Variants in PIKFYVE observed in about 807,000 individuals in gnomAD.
The protein encoded by PIKFYVE is phosphoinositide kinase, FYVE-type zinc finger containing.
Under a neutral mutation model 257.9 loss-of-function variants are expected in PIKFYVE, and 122 were observed. The ratio of observed to expected loss-of-function variants is 0.47; its 90% CI spans 0.41 to 0.55. The LOEUF (loss-of-function observed/expected upper bound fraction) is 0.55. Ranked by LOEUF, PIKFYVE falls within the 20% of genes least tolerant of loss-of-function variation. The pLI is 0.00. For missense variants in PIKFYVE, 2,160 were observed against 2,536.6 expected (o/e 0.85, Z 3.19); for synonymous variants, 892 against 868.9 (o/e 1.03, Z -0.47).
At chr2:208,330,736 CT>C in intron 23 of PIKFYVE, 42 bp downstream of exon 23, 2 of 1,542,684 alleles carry the variant, frequency 1.3e-6, no homozygotes, top group Non-Finnish European at 1.8e-6. Context: ...CCATTTATTT[CT>C]TTATTTGTAT....
intron 35 of PIKFYVE, among the ~76,000 whole-genome samples, chr2:208,348,541 C>T (rs561426295): frequency 6.5e-4 from 97 of 148,162 alleles, no homozygotes; most frequent in Admixed American, 2.0e-3. Flanking sequence ...TTGAAGCCAG[C>T]AGTTTGAGAC....
Position 208,342,535 on chromosome 2 carries a change from A to G in PIKFYVE, c.4932-19A>G, listed in dbSNP as rs1698808072. 1.3e-6 allele frequency: 2 copies of G among 1,581,026 alleles called. No homozygotes were observed. ...TCTAGAGTACTTAGTTAACTTATGT[A>G]TTTTAAAAATTTGCATAGTGATCCA... On this transcript the variant is annotated intron_variant, in intron 31 of 41. Coordinates refer to ENST00000264380, the MANE Select transcript of PIKFYVE (RefSeq NM_015040.4).
rs770977232 is a variant in PIKFYVE at position 208,325,362 on chromosome 2, C to T, written c.2551C>T (p.Arg851Ter). 1.9e-6 allele frequency: 3 copies of T among 1,613,982 alleles called. No individual in the cohort carries two copies. Among genetic ancestry groups the T allele is most frequent in the South Asian group, 1.1e-5 (1 of 91,078 alleles). ...LRGGSDYELARVKEILIFMIC... is the reference protein window; with the variant it reads ...LRGGSDYELA ...AGGAGGCTCTGATTATGAGCTGGCT[C>T]GAGTTAAGGAGATCCTAATATTTAT... The change falls in exon 20 of 42, where the codon CGA becomes TGA. Residue 851 changes from arginine to a stop codon, truncating the protein, a stop_gained. Transcript: ENST00000264380. LOFTEE classifies it high-confidence loss of function.
intron 7 of PIKFYVE, among the ~76,000 whole-genome samples, chr2:208,298,347 C>G (rs969816826): frequency 1.3e-5 from 2 of 151,960 alleles, no homozygotes; most frequent in Non-Finnish European, 2.9e-5. Context: ...AATTGTTTTC[C>G]TGTAATCTTT....
intron 7 of PIKFYVE, 82 bp from the exon 8 acceptor site, chr2:208,298,559 T>C: frequency 6.7e-7 from 1 of 1,503,048 alleles, no homozygotes; most frequent in Non-Finnish European, 9.2e-7. Flanking sequence ...TAAGCATTTA[T>C]TTAAAAATGA....
chr2:208,298,738 G>A lies in PIKFYVE; in HGVS notation c.1009G>A (p.Val337Ile), dbSNP rs770774844. 1.9e-6 allele frequency: 3 copies of A among 1,614,038 alleles called. No individual in the cohort carries two copies. The African/African-American group carries it at 4.0e-5, about 22-fold the overall frequency. ...SVSPQANRTY[V>I]RTETTEDERK... ...CAGTCCCCAGGCTAACCGAACATAT[G>A]TTAGGACAGAGACCACTGAGGATGA... Residue 337 changes from valine (V) to isoleucine (I), a missense_variant, in exon 8 of 42, where the codon GTT becomes ATT. Val to Ile is a conservative substitution (Grantham distance 29, BLOSUM62 3). Transcript: ENST00000264380.
chr2:208,319,623 G>T (rs964200300), intron 16 of PIKFYVE, among the ~76,000 whole-genome samples: 1 of 152,106 alleles, frequency 6.6e-6, no homozygotes, highest in Non-Finnish European at 1.5e-5. Flanking sequence ...TGCCAGTTTG[G>T]GGTCCATAAA....
At chr2:208,343,857 A>G (rs1172948859) in intron 32 of PIKFYVE, among the ~76,000 whole-genome samples, 1 of 148,370 alleles carries the variant, frequency 6.7e-6, no homozygotes, top group Non-Finnish European at 1.5e-5. Flanking sequence ...TTTGAGACAG[A>G]GTCTTTCTCA....
rs997808452 is a variant in PIKFYVE, at chr2:208,335,775, T to C, written c.4257-18T>C. On this transcript the variant is annotated intron_variant, in intron 25 of 41. Coordinates refer to ENST00000264380, the MANE Select transcript of PIKFYVE (RefSeq NM_015040.4). The stretch of plus-strand genomic sequence containing the variant: ...GATTCACCCTTTCTAAAGTGTTTAA[T>C]GCTCTCGCTATTGTTAGAGTTTCAC... 1.3e-6 allele frequency: 2 copies of C among 1,569,836 alleles called. No homozygotes were observed. The highest frequency in any genetic ancestry group is 1.8e-6 in the Non-Finnish European group (2 of 1,140,306).
intron 7 of PIKFYVE, among the ~76,000 whole-genome samples, chr2:208,290,484 T>C (rs1584200): frequency 0.72 from 108,983 of 152,158 alleles, 42,524 homozygotes; most frequent in East Asian, 0.93. Flanking sequence ...TAATATCCCA[T>C]TGGCTGGATA....
At position 208,325,554 on chromosome 2, in the gene PIKFYVE, C is replaced by T. The variant is rs1559129855; in HGVS notation, c.2743C>T (p.Pro915Ser). ...QYGGGSIPWD[P>S]DIPPESLPCD... ...CGGTGGAGGTTCCATCCCCTGGGAT[C>T]CTGACATCCCTCCTGAGTCTCTGCC... Residue 915 changes from proline to serine, a missense_variant, in exon 20 of 42, where the codon CCT becomes TCT. Physicochemically the swap from Pro to Ser is moderately conservative, Grantham distance 74. Coordinates refer to ENST00000264380, the MANE Select transcript of PIKFYVE (RefSeq NM_015040.4). The T allele has an allele frequency of 3.1e-6, 5 of 1,614,110 alleles. No homozygotes were observed. Among genetic ancestry groups the T allele is most frequent in the East Asian group, 2.2e-5 (1 of 44,884 alleles).
chr2:208,301,118 A>C (rs1414299640), intron 9 of PIKFYVE, 24 bp downstream of exon 9: 2 of 1,612,114 alleles, frequency 1.2e-6, no homozygotes, highest in South Asian at 2.2e-5. Flanking sequence ...AGAAGGTTTC[A>C]ATATTATTTG....
In PIKFYVE at chr2:208,312,935, G is replaced by C. The variant is rs140012373; in HGVS notation, c.1696+640G>C. On this transcript the variant is annotated intron_variant, in intron 13 of 41. Transcript: ENST00000264380. ...TTCAGATCAAAGAGAGAAGGCAAGC[G>C]GGTACAAGGAGCCACTGCAGCTTAT... Among the ~76,000 whole-genome samples, 528 of 152,280 alleles carry C rather than the reference G, an allele frequency of 3.5e-3. 3 individuals carry two copies. Among genetic ancestry groups the C allele is most frequent in the African/African-American group, 0.012 (502 of 41,544 alleles).
chr2:208,274,462 A>T (rs2125028867), intron 3 of PIKFYVE, among the ~76,000 whole-genome samples: 1 of 152,258 alleles, frequency 6.6e-6, no homozygotes, highest in South Asian at 2.1e-4. Context: ...CAGCATTGGG[A>T]ATTAGATGCC....
intron 35 of PIKFYVE, among the ~76,000 whole-genome samples, chr2:208,348,664 G>A (rs1699474311): frequency 6.7e-6 from 1 of 150,052 alleles, no homozygotes; most frequent in African/African-American, 2.4e-5. Flanking sequence ...TTGGGTATGG[G>A]TTTAGATCAG....
At chr2:208,298,446 T>C (rs999984045) in intron 7 of PIKFYVE, among the ~76,000 whole-genome samples, 195 bp from the exon 8 acceptor site, 3 of 151,990 alleles carry the variant, frequency 2.0e-5, no homozygotes, top group Admixed American at 1.3e-4. Flanking sequence ...GTTGCAAATA[T>C]CGTACAGAGA....
At chr2:208,322,669 A>G (rs1433859173) in intron 17 of PIKFYVE, among the ~76,000 whole-genome samples, 1 of 150,876 alleles carries the variant, frequency 6.6e-6, no homozygotes, top group Non-Finnish European at 1.5e-5. Context: ...TAAGATTGAT[A>G]ATAGTCAAGC....
intron 39 of PIKFYVE, among the ~76,000 whole-genome samples, chr2:208,353,669 G>C (rs1264062736): frequency 6.6e-6 from 1 of 151,958 alleles, no homozygotes; most frequent in Non-Finnish European, 1.5e-5. Flanking sequence ...GAGTACCTAG[G>C]TGTTAATTTT....
Position 208,325,757 on chromosome 2 carries a change from C to G in PIKFYVE, c.2946C>G (p.Leu982=). Residue 982 remains leucine, a synonymous_variant, in exon 20 of 42, where the codon CTC becomes CTG. Transcript: ENST00000264380. ...CTGTACCGGAATCATTGTTGCCACT[C>G]CCTGTGGATGACCAACAAGATGCTT... The part of the protein sequence containing the change: ...FAPVPESLLP[L]PVDDQQDALG... 1 of 1,613,752 alleles carries G rather than the reference C, an allele frequency of 6.2e-7. No homozygotes were observed. Among genetic ancestry groups the G allele is most frequent in the Non-Finnish European group, 8.5e-7 (1 of 1,179,766 alleles).
Sources: allele counts gnomAD v4.1 joint callset (sites outside exome capture counted in the v4.1 genomes callset), GRCh38; gene constraint gnomAD v4.1.1; transcripts MANE v1.5; gene names NCBI Gene and HGNC (gene_info 2026-07-23, HGNC 2026-07-21).